The following ZNF544 variants were observed in gnomAD, a reference collection of about 807,000 sequenced individuals.
The protein encoded by ZNF544 is zinc finger protein AF020591.
A neutral mutation model predicts 13.5 loss-of-function variants in ZNF544; 10 were observed. The observed-to-expected ratio is 0.74, with a 90% CI of 0.46 to 1.25. ZNF544 has a LOEUF of 1.25. ZNF544 is among the 50% of genes most tolerant of loss of function. The pLI is 0.00. For missense variants in ZNF544, 896 were observed against 845.6 expected, an observed-to-expected ratio of 1.06 and a Z score of -0.74; for synonymous variants, 323 against 300.5, an observed-to-expected ratio of 1.07 and a Z score of -0.77.
chr19:58,239,088 G>C (rs745501492), intron 3 of ZNF544, among the ~76,000 whole-genome samples: 1 of 152,144 alleles, frequency 6.6e-6, no homozygotes, highest in East Asian at 1.9e-4. Flanking sequence ...AGGGCTGGGT[G>C]CTCTGTGGCT....
chr19:58,262,705 A>ATGGGAAATCCTTCCGGCAGCG lies in ZNF544; in HGVS notation c.2099_2100insTGGGAAATCCTTCCGGCAGCG (p.Gln700delinsHisGlyLysSerPheArgGlnArg), dbSNP rs1568505207. 6.2e-7 allele frequency: 1 copy of ATGGGAAATCCTTCCGGCAGCG among 1,611,356 alleles called. No homozygotes were observed. Among genetic ancestry groups the ATGGGAAATCCTTCCGGCAGCG allele is most frequent in the East Asian group, 2.2e-5 (1 of 44,772 alleles). On this transcript the variant is annotated protein_altering_variant, in exon 7 of 7. Coordinates refer to ENST00000687789, the MANE Select transcript of ZNF544 (RefSeq NM_014480.4). ...GACTGTGGGAAATCCTTCCGGCAGC[A>ATGGGAAATCCTTCCGGCAGCG]ATCTCAACTTGTAGTGCATCGGCGG...
chr19:58,252,070 C>A (rs570382192), intron 6 of ZNF544, among the ~76,000 whole-genome samples: 1 of 152,260 alleles, frequency 6.6e-6, no homozygotes, highest in Admixed American at 6.5e-5. Flanking sequence ...ATAAAGGTGT[C>A]TGTTAGTACT....
chr19:58,273,956 C>T (rs961176394), intron 5 of ZNF544, among the ~76,000 whole-genome samples: 1 of 151,690 alleles, frequency 6.6e-6, no homozygotes, highest in African/African-American at 2.4e-5. Context: ...CCACCACACC[C>T]GGCTAATTTT....
rs1265435779 is a variant in ZNF544 at position 58,262,615 on chromosome 19, C to T, written c.2009C>T (p.Ser670Leu). 2 of 1,613,934 alleles carry T rather than the reference C, an allele frequency of 1.2e-6. No homozygotes were observed. The highest frequency in any genetic ancestry group is 1.3e-5 in the African/African-American group (1 of 74,880). ...TGTAGTCAGTGTGGGAAAGCCTTTT[C>T]AGGGAGCTCTAACCTTCTTTCCCAT... ...FECSQCGKAF[S>L]GSSNLLSHHR... Residue 670 changes from serine (S) to leucine (L), a missense_variant, in exon 7 of 7, where the codon TCA (serine) becomes TTA (leucine). Coordinates refer to ENST00000687789, the MANE Select transcript of ZNF544 (RefSeq NM_014480.4).
chr19:58,236,611 T>C (rs1311552045), intron 3 of ZNF544, among the ~76,000 whole-genome samples: 1 of 152,106 alleles, frequency 6.6e-6, no homozygotes, highest in Admixed American at 6.6e-5. Flanking sequence ...TTGTGTGCCC[T>C]TCACCCAGCT....
rs1404053491 is a variant in ZNF544 at position 58,261,120 on chromosome 19, A to G, written c.514A>G (p.Ser172Gly). Residue 172 changes from serine (S) to glycine (G), a missense_variant, in exon 7 of 7, where the codon AGC (serine) becomes GGC (glycine). Transcript: ENST00000687789. ...AGGTTATTCTCTACCTTCTACTTTAAGCCTTCTACCTACAACATTACCTAC... is the reference window on the plus strand; with the variant it reads ...AGGTTATTCTCTACCTTCTACTTTAGGCCTTCTACCTACAACATTACCTAC... Reference protein sequence around the residue: ...GGGYSLPSTLSLLPTTLPTST... With the variant: ...GGGYSLPSTLGLLPTTLPTST... The G allele has an allele frequency of 6.2e-7, 1 of 1,614,180 alleles. No homozygotes were observed. The highest frequency in any genetic ancestry group is 8.5e-7 in the Non-Finnish European group (1 of 1,180,040).
chr19:58,265,282 A>ATATTTATATATTTATT (rs1555770898), downstream of ZNF544, among the ~76,000 whole-genome samples: 1 of 147,346 alleles, frequency 6.8e-6, no homozygotes, highest in Non-Finnish European at 1.5e-5. Context: ...CCATGTCTGC[A>ATATTTATATATTTATT]TATTTATTTA....
At chr19:58,268,614 C>G (rs560321297), downstream of ZNF544, among the ~76,000 whole-genome samples, 10 of 152,220 alleles carry the variant, frequency 6.6e-5, no homozygotes, top group Non-Finnish European at 1.5e-4. Flanking sequence ...GCTACTGTGT[C>G]CTGTCTCCGT....
chr19:58,265,723 C>A (rs1229376912), downstream of ZNF544, among the ~76,000 whole-genome samples: 1 of 152,026 alleles, frequency 6.6e-6, no homozygotes, highest in African/African-American at 2.4e-5. Flanking sequence ...TCCTAAGTAG[C>A]TGGGACCATA....
At chr19:58,238,889 G>T (rs1292482219) in intron 3 of ZNF544, among the ~76,000 whole-genome samples, 2 of 151,772 alleles carry the variant, frequency 1.3e-5, no homozygotes, top group Non-Finnish European at 2.9e-5. Flanking sequence ...AAATTACAAT[G>T]CCCTGATCAG....
intron 6 of ZNF544, among the ~76,000 whole-genome samples, chr19:58,252,362 C>A (rs916025527): frequency 4.6e-5 from 7 of 152,136 alleles, no homozygotes; most frequent in African/African-American, 1.4e-4. Flanking sequence ...TCCTAAACAT[C>A]CCTCTTTAAA....
At chr19:58,259,240 A>G (rs1233728582) in intron 6 of ZNF544, 2 of 152,256 alleles carry the variant, frequency 1.3e-5, no homozygotes, top group African/African-American at 2.4e-5. Context: ...TATTGGGTCA[A>G]TTCTGGAATG....
intron 6 of ZNF544, among the ~76,000 whole-genome samples, 198 bp downstream of exon 6, chr19:58,246,992 G>A (rs960970698): frequency 6.6e-6 from 1 of 152,204 alleles, no homozygotes; most frequent in African/African-American, 2.4e-5. Context: ...TTCCCTGAGT[G>A]TGGAACCCTC....
chr19:58,265,904 A>G (rs550136805), downstream of ZNF544, among the ~76,000 whole-genome samples: 87 of 151,886 alleles, frequency 5.7e-4, no homozygotes, highest in African/African-American at 2.1e-3. Context: ...ACATTTAAGC[A>G]GGATAAGAGC....
intron 5 of ZNF544, among the ~76,000 whole-genome samples, chr19:58,270,341 GC>G (rs1323469750): frequency 1.1e-4 from 15 of 141,752 alleles, no homozygotes; most frequent in African/African-American, 3.9e-4. Context: ...AGTCTCTGTT[GC>G]CCAGTCTGGA....
intron 4 of ZNF544, among the ~76,000 whole-genome samples, chr19:58,246,059 T>G (rs1161066765): frequency 6.6e-6 from 1 of 152,198 alleles, no homozygotes; most frequent in Admixed American, 6.5e-5. Flanking sequence ...GCCTGCTGTC[T>G]CATAGATGGC....
In ZNF544 at chr19:58,262,463, C is replaced by T. The variant is rs751802753; in HGVS notation, c.1857C>T (p.Leu619=). ...AAGCCTTCAATCGAAGCACTCAGCT[C>T]ATCAGGCATCTGCAAATTCACACTG... is the stretch of plus-strand genomic sequence containing the variant. The part of the protein sequence containing the change: ...CGKAFNRSTQ[L]IRHLQIHTGE... Residue 619 remains leucine (L), a synonymous_variant, in exon 7 of 7, where the codon CTC becomes CTT. Coordinates refer to ENST00000687789, the MANE Select transcript of ZNF544 (RefSeq NM_014480.4). The T allele has an allele frequency of 3.1e-6, 5 of 1,614,170 alleles. No homozygotes were observed. The highest frequency in any genetic ancestry group is 2.2e-5 in the East Asian group (1 of 44,888).
In ZNF544 at chr19:58,261,531, G is replaced by GA; in HGVS notation, c.926dup (p.Ser310GlufsTer20). 1 of 1,614,182 alleles carries GA rather than the reference G, an allele frequency of 6.2e-7. No individual in the cohort carries two copies. The highest frequency in any genetic ancestry group is 8.5e-7 in the Non-Finnish European group (1 of 1,180,032). On this transcript the variant is annotated frameshift_variant, in exon 7 of 7. Transcript: ENST00000687789. LOFTEE classifies it low-confidence loss of function (END_TRUNC). ...TGATGAGTGCAGGGAAACCTGTTCT[G>GA]AGAGTCTGTGCCTTGTACAAACAGA...
In ZNF544 at chr19:58,253,872, A is replaced by G. The variant is rs1423540085; in HGVS notation, c.245-6979A>G. Among the ~76,000 whole-genome samples the G allele has an allele frequency of 2.6e-5, 4 of 152,226 alleles. No homozygotes were observed. The East Asian group carries it at 5.8e-4, about 22-fold the overall frequency. On this transcript the variant is annotated intron_variant, in intron 6 of 6. Transcript: ENST00000687789. ...ATCTTGCAAAGACAAATATAAAACC[A>G]TATATGTTGACAATTCTGAAGACAT...
Sources: allele counts gnomAD v4.1 joint callset (sites outside exome capture counted in the v4.1 genomes callset), GRCh38; gene constraint gnomAD v4.1.1; transcripts MANE v1.5; gene names NCBI Gene and HGNC (gene_info 2026-07-23, HGNC 2026-07-21).